MYBPC2: variants seen among roughly 807,000 people sequenced by gnomAD.
The protein encoded by MYBPC2 is myosin binding protein C2, also known as myosin-binding protein C, fast-type.
MYBPC2 carries 122 observed loss-of-function variants against 137.0 expected under a neutral mutation model. The ratio of observed to expected loss-of-function variants is 0.89; its 90% CI spans 0.77 to 1.03. The LOEUF (loss-of-function observed/expected upper bound fraction) is 1.03. Ranked by LOEUF, MYBPC2 falls within the 50% of genes least tolerant of loss-of-function variation. MYBPC2 has a pLI of 0.00. For synonymous variants in MYBPC2, 626 were observed against 612.3 expected (o/e 1.02, Z -0.33); for missense variants, 1,500 against 1,534.4 (o/e 0.98, Z 0.37).
chr19:50,457,469 A>T (rs2039924052), intron 20 of MYBPC2, among the ~76,000 whole-genome samples: 1 of 152,192 alleles, frequency 6.6e-6, no homozygotes, highest in South Asian at 2.1e-4. Context: ...CCTCAGACAG[A>T]GCCAAGATCC....
intron 5 of MYBPC2, among the ~76,000 whole-genome samples, chr19:50,437,001 T>A (rs2039709905): frequency 6.6e-6 from 1 of 152,086 alleles, no homozygotes; most frequent in African/African-American, 2.4e-5. Context: ...ATTCCACGTT[T>A]AAGAAAGTAG....
In MYBPC2 at chr19:50,441,884, TA is replaced by T. The variant is rs1392110589; in HGVS notation, c.770-293del. The stretch of plus-strand genomic sequence containing the variant: ...AAAAATAAAATAAAATAAAATAAAA[TA>T]AAATAAATAAATAAAAATAAAGCTG... On this transcript the variant is annotated intron_variant, in intron 8 of 27. Transcript: ENST00000357701. 4.8e-5 allele frequency among the ~76,000 whole-genome samples: 7 copies of T among 146,348 alleles called. No homozygotes were observed. The East Asian group carries it at 1.4e-3, about 28-fold the overall frequency.
Position 50,456,082 on chromosome 19 carries a change from G to GTCCATCCATCCA in MYBPC2, c.2338+469_2338+480dup, listed in dbSNP as rs34206117. ...CATCCATCCATCCATTCATCTTACC[G>GTCCATCCATCCA]TCCATCCATCCATCCATCCATCCAT... On this transcript the variant is annotated intron_variant, in intron 20 of 27. Transcript: ENST00000357701. Among the ~76,000 whole-genome samples the GTCCATCCATCCA allele has an allele frequency of 7.8e-3, 992 of 127,884 alleles. 15 individuals carry two copies. Among genetic ancestry groups the GTCCATCCATCCA allele is most frequent in the South Asian group, 0.038 (137 of 3,638 alleles). The allele number at this position is 127,884 out of a possible 152,430, so 83.9% of individuals were successfully genotyped here.
At chr19:50,454,926 T>C (rs1448715371) in intron 18 of MYBPC2, among the ~76,000 whole-genome samples, 182 bp from the exon 19 acceptor site, 4 of 152,090 alleles carry the variant, frequency 2.6e-5, no homozygotes, top group Admixed American at 2.6e-4. Context: ...TGACCCCCTC[T>C]TGATTCCTGA....
intron 12 of MYBPC2, 24 bp downstream of exon 12, chr19:50,446,076 C>G: frequency 6.2e-7 from 1 of 1,606,850 alleles, no homozygotes; most frequent in Non-Finnish European, 8.5e-7. Context: ...AGGTAGGGCA[C>G]GGGCTGCACT....
At position 50,461,998 on chromosome 19, in the gene MYBPC2, T is replaced by C. The variant is rs2039976755; in HGVS notation, c.3190T>C (p.Ser1064Pro). 1 of 1,573,282 alleles carries C rather than the reference T, an allele frequency of 6.4e-7. No homozygotes were observed. Among genetic ancestry groups the C allele is most frequent in the Non-Finnish European group, 8.6e-7 (1 of 1,159,252 alleles). Residue 1064 changes from serine to proline, a missense_variant, in exon 26 of 28, where the codon TCG (serine) becomes CCG (proline). Ser to Pro is a moderately conservative substitution (Grantham distance 74, BLOSUM62 -1). Transcript: ENST00000357701. The stretch of plus-strand genomic sequence containing the variant: ...AGACCGCGTGGTCGTGGCTGGGTAC[T>C]CGGCAGCCCTCAACTGTGCTGTCAG... ...LIDRVVVAGY[S>P]AALNCAVRGH...
chr19:50,461,781 C>T (rs1489340659), intron 25 of MYBPC2, 80 bp downstream of exon 25: 5 of 1,595,166 alleles, frequency 3.1e-6, no homozygotes, highest in African/African-American at 1.3e-5. Context: ...CTGCCCTCCC[C>T]TCCCCACTGG....
At chr19:50,448,426 G>A (rs1297452809) in intron 13 of MYBPC2, 36 bp downstream of exon 13, 2 of 1,607,248 alleles carry the variant, frequency 1.2e-6, no homozygotes, top group East Asian at 2.2e-5. Context: ...TGGGGGTAGG[G>A]TGTGCATAGC....
intron 1 of MYBPC2, among the ~76,000 whole-genome samples, chr19:50,434,371 A>G (rs2039683441): frequency 6.6e-6 from 1 of 152,306 alleles, no homozygotes; most frequent in Admixed American, 6.5e-5. Context: ...AAACAGAAAC[A>G]AAAACAAAAA....
At chr19:50,458,503 G>T in intron 20 of MYBPC2, 84 bp from the exon 21 acceptor site, 3 of 1,517,602 alleles carry the variant, frequency 2.0e-6, no homozygotes, top group Non-Finnish European at 2.6e-6. Flanking sequence ...CTCGCTCGCT[G>T]CGTGGGGCCC....
At chr19:50,457,921 C>A (rs2039928591) in intron 20 of MYBPC2, among the ~76,000 whole-genome samples, 2 of 151,436 alleles carry the variant, frequency 1.3e-5, no homozygotes, top group South Asian at 2.1e-4. Flanking sequence ...CTCAAGTGAT[C>A]TGCCCACCTC....
At chr19:50,448,464 T>TC in intron 13 of MYBPC2, 74 bp downstream of exon 13, 1 of 1,516,480 alleles carries the variant, frequency 6.6e-7, no homozygotes, top group Non-Finnish European at 8.9e-7. Context: ...TAACAAGCTG[T>TC]CCCCCATTTA....
rs1472768123 is a variant in MYBPC2 at position 50,435,603 on chromosome 19, A to G, written c.110-173A>G. Among the ~76,000 whole-genome samples, 2 of 152,122 alleles carry G rather than the reference A, an allele frequency of 1.3e-5. No individual in the cohort carries two copies. Among genetic ancestry groups the G allele is most frequent in the Admixed American group, 6.5e-5 (1 of 15,286 alleles). The stretch of plus-strand genomic sequence containing the variant: ...GGAGCCTGGCCAAGGTCACACAGCC[A>G]CGAGGGTGACAGGTGGCCTTTCCCA... On this transcript the variant is annotated intron_variant, in intron 2 of 27. Coordinates refer to ENST00000357701, the MANE Select transcript of MYBPC2 (RefSeq NM_004533.4). The surrounding 1 kb of genome is among the most constrained non-coding windows in gnomAD (Gnocchi z 4.8).
At chr19:50,452,097 G>A in intron 16 of MYBPC2, 94 bp downstream of exon 16, 1 of 1,330,194 alleles carries the variant, frequency 7.5e-7, no homozygotes. Flanking sequence ...TAAAATGAGG[G>A]TGATGGTTCC....
chr19:50,451,207 C>T, intron 14 of MYBPC2, 73 bp from the exon 15 acceptor site: 1 of 1,559,162 alleles, frequency 6.4e-7, no homozygotes, highest in South Asian at 1.1e-5. Flanking sequence ...TCACCTCTTC[C>T]TCTGGGCTGT....
chr19:50,447,025 C>T (rs1239913283), intron 12 of MYBPC2, among the ~76,000 whole-genome samples: 1 of 151,844 alleles, frequency 6.6e-6, no homozygotes, highest in African/African-American at 2.4e-5. Context: ...AACCACAGCC[C>T]CCCTGTTGCT....
In MYBPC2 at chr19:50,466,060, A is replaced by C; in HGVS notation, c.3416-135A>C. On this transcript the variant is annotated intron_variant, in intron 27 of 27. Coordinates refer to ENST00000357701, the MANE Select transcript of MYBPC2 (RefSeq NM_004533.4). The surrounding 1 kb of genome is among the most constrained non-coding windows in gnomAD (Gnocchi z 4.9). The stretch of plus-strand genomic sequence containing the variant: ...CTGTGACTCTGGGTTGTCCAGCCAC[A>C]GTGGCCTAGGATGGGGCGGGATGGT... The C allele has an allele frequency of 8.0e-7, 1 of 1,248,810 alleles. No individual in the cohort carries two copies. The allele number at this position is 1,248,810 out of a possible 1,614,324, so 77.4% of individuals were successfully genotyped here.
At chr19:50,445,655 A>C (rs994828404) in intron 11 of MYBPC2, among the ~76,000 whole-genome samples, 9 of 151,924 alleles carry the variant, frequency 5.9e-5, no homozygotes, top group Admixed American at 4.6e-4. Flanking sequence ...AGCCTCCCAA[A>C]GGGCTGGGAT....
intron 20 of MYBPC2, among the ~76,000 whole-genome samples, chr19:50,457,783 G>A (rs2039927680): frequency 6.7e-6 from 1 of 149,754 alleles, no homozygotes. Context: ...AGGTTCAAGC[G>A]ATTCTCCTGC....
Sources: allele counts gnomAD v4.1 joint callset (sites outside exome capture counted in the v4.1 genomes callset), GRCh38; gene constraint gnomAD v4.1.1; non-coding constraint Gnocchi (gnomAD v3.1); transcripts MANE v1.5; gene names NCBI Gene and HGNC (gene_info 2026-07-23, HGNC 2026-07-21).